SEPTIN9: variants seen among roughly 807,000 people sequenced by gnomAD.
SEPTIN9 encodes septin-9.
Under a neutral mutation model 56.6 loss-of-function variants are expected in SEPTIN9, and 13 were observed. The ratio of observed to expected loss-of-function variants is 0.23; its 90% CI spans 0.15 to 0.37. SEPTIN9 has a LOEUF of 0.37. Ranked by LOEUF, SEPTIN9 falls within the 10% of genes least tolerant of loss-of-function variation. The pLI, the probability that SEPTIN9 is intolerant of heterozygous loss-of-function variation, is 1.00. For missense variants in SEPTIN9, 650 were observed against 823.1 expected (o/e 0.79, Z 2.57); for synonymous variants, 332 against 334.1 (o/e 0.99, Z 0.07).
chr17:77,366,963 C>T (rs1345803220), intron 2 of SEPTIN9, among the ~76,000 whole-genome samples: 1 of 152,176 alleles, frequency 6.6e-6, no homozygotes, highest in Non-Finnish European at 1.5e-5. Flanking sequence ...CCGCTGTGGT[C>T]AGGTTTTGCT....
intron 3 of SEPTIN9, among the ~76,000 whole-genome samples, chr17:77,458,014 C>T (rs1484048719): frequency 6.6e-6 from 1 of 152,230 alleles, no homozygotes; most frequent in African/African-American, 2.4e-5. Context: ...TTCCTGGACT[C>T]ACCCTGAAGG....
Position 77,437,177 on chromosome 17 carries a change from C to T in SEPTIN9, c.721+34474C>T, listed in dbSNP as rs1001432354. 1.3e-5 allele frequency among the ~76,000 whole-genome samples: 2 copies of T among 152,228 alleles called. No homozygotes were observed. The highest frequency in any genetic ancestry group is 4.8e-5 in the African/African-American group (2 of 41,454). Reference sequence around the variant, plus strand: ...AGCTGCTGTGATTCTGTGACTCCTCCTCACCCCACCCCAGTGGGGCCCTGC... The same window carrying T: ...AGCTGCTGTGATTCTGTGACTCCTCTTCACCCCACCCCAGTGGGGCCCTGC... On this transcript the variant is annotated intron_variant, in intron 3 of 11. Transcript: ENST00000427177. This position sits in a 1 kb window ranked among gnomAD's most constrained non-coding sequence, Gnocchi z 5.3.
At chr17:77,423,544 G>A (rs1040697650) in intron 3 of SEPTIN9, among the ~76,000 whole-genome samples, 2 of 152,250 alleles carry the variant, frequency 1.3e-5, no homozygotes, top group African/African-American at 4.8e-5. Context: ...GGGGGCCCCT[G>A]TTGGGGTGGG....
In SEPTIN9 at chr17:77,491,567, C is replaced by G. The variant is rs2012097; in HGVS notation, c.1380+708C>G. The stretch of plus-strand genomic sequence containing the variant: ...GTGGCTCACGCCTGTAATCCCAGCA[C>G]TTTGGGAGGCCGAGGCGGGCAGATC... On this transcript the variant is annotated intron_variant, in intron 8 of 11. Coordinates refer to ENST00000427177, the MANE Select transcript of SEPTIN9 (RefSeq NM_001113491.2). 9.3e-3 allele frequency among the ~76,000 whole-genome samples: 1,403 copies of G among 151,196 alleles called. 22 individuals carry two copies. The highest frequency in any genetic ancestry group is 0.032 in the African/African-American group (1,334 of 41,312).
chr17:77,397,794 C>G (rs955324964), intron 2 of SEPTIN9, among the ~76,000 whole-genome samples: 1 of 152,110 alleles, frequency 6.6e-6, no homozygotes, highest in Non-Finnish European at 1.5e-5. Flanking sequence ...GGATTACAGG[C>G]GCCCACCCCC....
At chr17:77,288,674 C>A (rs571716418) in intron 1 of SEPTIN9, among the ~76,000 whole-genome samples, 167 of 152,332 alleles carry the variant, frequency 1.1e-3, no homozygotes, top group African/African-American at 4.0e-3. Context: ...ACATCCAACC[C>A]CTGTCATCTT....
intron 3 of SEPTIN9, among the ~76,000 whole-genome samples, chr17:77,427,983 A>G (rs1341161714): frequency 6.6e-6 from 1 of 152,120 alleles, no homozygotes; most frequent in Non-Finnish European, 1.5e-5. Context: ...CGTTCGATTC[A>G]TTTATTGTCA....
intron 2 of SEPTIN9, among the ~76,000 whole-genome samples, chr17:77,309,982 C>CTT (rs112299918): frequency 4.2e-5 from 6 of 143,564 alleles, no homozygotes; most frequent in African/African-American, 7.6e-5. Flanking sequence ...CCTAGGTCTC[C>CTT]TTTTTTTTTT....
chr17:77,412,128 TC>T (rs1307846212), intron 3 of SEPTIN9, among the ~76,000 whole-genome samples: 4 of 76,906 alleles, frequency 5.2e-5, no homozygotes, highest in South Asian at 8.6e-4. Context: ...AGACTCCCTA[TC>T]AAAAAAAAAA....
chr17:77,286,218 C>T (rs1176117998), intron 1 of SEPTIN9: 1 of 152,332 alleles, frequency 6.6e-6, no homozygotes, highest in Non-Finnish European at 1.5e-5. Flanking sequence ...CCAGCCCTCT[C>T]CCTAGTCTGT....
chr17:77,288,332 C>A, intron 1 of SEPTIN9: 1 of 544,400 alleles, frequency 1.8e-6, no homozygotes, highest in Non-Finnish European at 2.4e-6. Context: ...AGGGGTTGGG[C>A]CCCGGAAGCC....
intron 2 of SEPTIN9, among the ~76,000 whole-genome samples, chr17:77,357,980 A>G (rs1229435876): frequency 6.6e-6 from 1 of 152,206 alleles, no homozygotes; most frequent in Non-Finnish European, 1.5e-5. Context: ...GTTAAACTGT[A>G]TGTTATAAAT....
chr17:77,309,568 C>G (rs2032401474), intron 2 of SEPTIN9, among the ~76,000 whole-genome samples: 1 of 152,152 alleles, frequency 6.6e-6, no homozygotes, highest in Non-Finnish European at 1.5e-5. Context: ...CCCAGCTTCT[C>G]TGTAGATCCA....
rs541400061 is a variant in SEPTIN9, at chr17:77,436,899, T to C, written c.721+34196T>C. 2.0e-5 allele frequency among the ~76,000 whole-genome samples: 3 copies of C among 152,258 alleles called. No homozygotes were observed. In the South Asian group the frequency reaches 6.2e-4, roughly 32 times the overall value. ...TCTCAGGCAGGAGGGTGCCGAAGCA[T>C]TGGGAAGCTGGGATTTAGAAGCATT... is the stretch of plus-strand genomic sequence containing the variant. On this transcript the variant is annotated intron_variant, in intron 3 of 11. Transcript: ENST00000427177. The surrounding 1 kb of genome is among the most constrained non-coding windows in gnomAD (Gnocchi z 4.4).
chr17:77,373,336 C>A (rs1055815416), intron 2 of SEPTIN9: 1 of 1,177,018 alleles, frequency 8.5e-7, no homozygotes, highest in Non-Finnish European at 1.0e-6. Flanking sequence ...CTTCCTCCCC[C>A]ATTCATTCAG....
At chr17:77,282,300 C>CT (rs925100166) in intron 1 of SEPTIN9, among the ~76,000 whole-genome samples, 40 of 149,728 alleles carry the variant, frequency 2.7e-4, no homozygotes, top group East Asian at 3.9e-4. Context: ...CTTTTCCTTC[C>CT]TTTTTTTTTT....
intron 1 of SEPTIN9, among the ~76,000 whole-genome samples, chr17:77,306,447 C>T (rs1405827722): frequency 1.3e-5 from 2 of 152,218 alleles, no homozygotes; most frequent in Admixed American, 6.5e-5. Context: ...CAAATCTCCT[C>T]GAGTTAGGAC....
At chr17:77,390,743 G>A (rs965123762) in intron 2 of SEPTIN9, among the ~76,000 whole-genome samples, 9 of 152,132 alleles carry the variant, frequency 5.9e-5, no homozygotes, top group African/African-American at 1.9e-4. Context: ...GAGCCGCCGC[G>A]CCCGGCCACA....
At chr17:77,479,185 C>G (rs111459021) in intron 3 of SEPTIN9, among the ~76,000 whole-genome samples, 1,526 of 152,350 alleles carry the variant, frequency 0.01, 22 homozygotes, top group African/African-American at 0.033. Flanking sequence ...GGAAAAGTCA[C>G]GTGGCCAGTG....
Sources: gnomAD v4.1 joint callset for allele counts (sites outside exome capture counted in the v4.1 genomes callset) on GRCh38, gnomAD v4.1.1 for gene constraint, Gnocchi (gnomAD v3.1) non-coding constraint, MANE v1.5 for transcripts, NCBI Gene and HGNC (gene_info 2026-07-23, HGNC 2026-07-21) for gene names.